Variants in ESR2 observed in about 807,000 individuals in gnomAD.
The protein encoded by ESR2 is estrogen receptor 2, also known as estrogen receptor beta.
Under a neutral mutation model 49.6 loss-of-function variants are expected in ESR2, and 36 were observed. The ratio of observed to expected loss-of-function variants is 0.73; its 90% CI spans 0.56 to 0.96. ESR2 has a LOEUF of 0.96. Among genes scored for constraint, ESR2 ranks in the 40% least tolerant of loss-of-function variants. ESR2 has a pLI of 0.00. For missense variants in ESR2, 714 were observed against 693.0 expected (o/e 1.03, Z -0.34); for synonymous variants, 320 against 266.1 (o/e 1.20, Z -1.97).
intron 1 of ESR2, among the ~76,000 whole-genome samples, chr14:64,326,166 T>C (rs1185347641): frequency 6.6e-6 from 1 of 152,178 alleles, no homozygotes; most frequent in Non-Finnish European, 1.5e-5. Context: ...TCGAAGGAAT[T>C]TGAAGAACAC....
At chr14:64,306,990 C>A (rs1407736359) in intron 1 of ESR2, among the ~76,000 whole-genome samples, 1 of 151,732 alleles carries the variant, frequency 6.6e-6, no homozygotes, top group Non-Finnish European at 1.5e-5. Context: ...TCTTCTTGTA[C>A]AATTTTTGGT....
In ESR2 at chr14:64,233,341, T is replaced by C. The variant is rs771741534; in HGVS notation, c.1407-18A>G. ...CCTTGTTACTATGGGGACAAAAAGGTGCTGAGATTCCCTCCTCCGAGGCAG... is the reference window on the plus strand; with the variant it reads ...CCTTGTTACTATGGGGACAAAAAGGCGCTGAGATTCCCTCCTCCGAGGCAG... On this transcript the variant is annotated intron_variant, in intron 8 of 8. Transcript: ENST00000341099. 1.1e-5 allele frequency: 17 copies of C among 1,600,176 alleles called. No individual in the cohort carries two copies. Among genetic ancestry groups the C allele is most frequent in the Non-Finnish European group, 1.1e-5 (13 of 1,168,588 alleles).
chr14:64,299,073 A>G (rs1281681388), upstream of ESR2, among the ~76,000 whole-genome samples: 1 of 152,106 alleles, frequency 6.6e-6, no homozygotes, highest in African/African-American at 2.4e-5. Flanking sequence ...CTCAAATGCA[A>G]TTCTGAAAAT....
intron 1 of ESR2, among the ~76,000 whole-genome samples, chr14:64,291,860 A>G (rs1390248547): frequency 6.6e-6 from 1 of 152,154 alleles, no homozygotes. Context: ...ATGCAATTTC[A>G]GGTAGCTTTC....
At chr14:64,260,145 T>G in intron 5 of ESR2, 2 of 602,780 alleles carry the variant, frequency 3.3e-6, no homozygotes, top group Non-Finnish European at 6.3e-6. Context: ...CATCTAGCCA[T>G]GGGAAAAGAA....
At chr14:64,261,232 C>CTTTTTTTTTTTTTTTTTT (rs374264697) in intron 4 of ESR2, among the ~76,000 whole-genome samples, 5 of 88,682 alleles carry the variant, frequency 5.6e-5, no homozygotes, top group African/African-American at 9.3e-5. Flanking sequence ...TTTTATTTTT[C>CTTTTTTTTTTTTTTTTTT]TTTTTTCTTT....
intron 3 of ESR2, among the ~76,000 whole-genome samples, chr14:64,270,476 C>T (rs1448128325): frequency 1.3e-5 from 2 of 152,108 alleles, no homozygotes; most frequent in Non-Finnish European, 2.9e-5. Context: ...GGACATGTTA[C>T]ATGCAGAATT....
intron 7 of ESR2, among the ~76,000 whole-genome samples, chr14:64,246,747 A>C (rs1356438681): frequency 1.4e-5 from 2 of 143,390 alleles, no homozygotes; most frequent in African/African-American, 5.4e-5. Flanking sequence ...AAAAAAAAAA[A>C]AAAAAAAAAA....
At chr14:64,315,714 G>T (rs1327493069) in intron 1 of ESR2, among the ~76,000 whole-genome samples, 2 of 151,726 alleles carry the variant, frequency 1.3e-5, no homozygotes, top group Admixed American at 1.3e-4. Context: ...GAGTGCAGTG[G>T]CATGATCTCA....
chr14:64,281,135 A>G (rs1279369979), intron 2 of ESR2, among the ~76,000 whole-genome samples: 1 of 152,180 alleles, frequency 6.6e-6, no homozygotes, highest in African/African-American at 2.4e-5. Flanking sequence ...AAGAGAGAAG[A>G]GAAGAGAGAG....
chr14:64,234,221 A>C (rs2098730161), intron 8 of ESR2: 1 of 152,244 alleles, frequency 6.6e-6, no homozygotes, highest in Non-Finnish European at 1.5e-5. Flanking sequence ...CATCTCACTT[A>C]AGATTCTCGA....
At chr14:64,244,500 C>T (rs1395875585) in intron 7 of ESR2, among the ~76,000 whole-genome samples, 3 of 152,098 alleles carry the variant, frequency 2.0e-5, no homozygotes, top group Non-Finnish European at 4.4e-5. Context: ...CCAGATAGAA[C>T]GAAATGGCAG....
upstream of ESR2, among the ~76,000 whole-genome samples, chr14:64,299,264 T>C (rs2140861960): frequency 6.6e-6 from 1 of 152,326 alleles, no homozygotes; most frequent in South Asian, 2.1e-4. Flanking sequence ...CTAAAGTTTT[T>C]TCTACATCTT....
At chr14:64,260,355 G>T in intron 5 of ESR2, 94 bp downstream of exon 5, 1 of 1,214,258 alleles carries the variant, frequency 8.2e-7, no homozygotes, top group Non-Finnish European at 1.2e-6. Flanking sequence ...TCTAGGCACA[G>T]CTCATGGACC....
In ESR2 at chr14:64,257,106, G is replaced by A; in HGVS notation, c.1091+120C>T. The A allele has an allele frequency of 4.5e-6, 4 of 891,130 alleles. No homozygotes were observed. The South Asian group carries it at 6.2e-5, about 14-fold the overall frequency. The allele number at this position is 891,130 out of a possible 1,614,324, so 55.2% of individuals were successfully genotyped here. A position where few individuals can be genotyped will look rare whatever the true frequency, so the allele number is the denominator to read the frequency against. On this transcript the variant is annotated intron_variant, in intron 6 of 8. Transcript: ENST00000341099. ...TTGACCCAGTGAAGGAGCTGATGATGCTATCATCCTCTGCCCTGCAAGTGT... is the reference window on the plus strand; with the variant it reads ...TTGACCCAGTGAAGGAGCTGATGATACTATCATCCTCTGCCCTGCAAGTGT...
intron 1 of ESR2, among the ~76,000 whole-genome samples, chr14:64,325,540 T>C (rs565543288): frequency 6.6e-6 from 1 of 152,290 alleles, no homozygotes; most frequent in South Asian, 2.1e-4. Context: ...TATTGTAAAT[T>C]ATGAATATTC....
intron 1 of ESR2, among the ~76,000 whole-genome samples, chr14:64,321,355 C>A (rs555163792): frequency 3.5e-4 from 53 of 150,968 alleles, no homozygotes; most frequent in Admixed American, 6.0e-4. Flanking sequence ...ATGTTCTAAA[C>A]CTGGATTGTG....
At chr14:64,328,478 G>A (rs12896657) in intron 1 of ESR2, among the ~76,000 whole-genome samples, 15 of 152,218 alleles carry the variant, frequency 9.9e-5, no homozygotes, top group African/African-American at 3.6e-4. Context: ...AGTCCCAAGA[G>A]GGTGTCATTT....
chr14:64,233,117 G>T lies in ESR2; in HGVS notation c.*20C>A, dbSNP rs1418402420. On this transcript the variant is annotated 3_prime_UTR_variant, in exon 9 of 9. Coordinates refer to ENST00000341099, the MANE Select transcript of ESR2 (RefSeq NM_001437.3). ...TTCAGCCTGTGACCTCTGTGGGCCAGTTCACCTCAGGGCCAGGCGTCACTG... is the reference window on the plus strand; with the variant it reads ...TTCAGCCTGTGACCTCTGTGGGCCATTTCACCTCAGGGCCAGGCGTCACTG... The T allele has an allele frequency of 6.2e-7, 1 of 1,607,792 alleles. No homozygotes were observed. The highest frequency in any genetic ancestry group is 1.1e-5 in the South Asian group (1 of 90,778).
Sources: allele counts gnomAD v4.1 joint callset (sites outside exome capture counted in the v4.1 genomes callset), GRCh38; gene constraint gnomAD v4.1.1; transcripts MANE v1.5; gene names NCBI Gene and HGNC (gene_info 2026-07-23, HGNC 2026-07-21).